Variants in SLC38A12 observed in about 807,000 individuals in gnomAD.
SLC38A12 encodes putative sodium-coupled neutral amino acid transporter 12.
At chr17:74,795,817 C>T in the SLC38A12 span, among the ~76,000 whole-genome samples, 2 of 152,178 alleles carry the variant, frequency 1.3e-5, no homozygotes, top group East Asian at 3.9e-4. Context: ...AAGAGTCTAG[C>T]CCCCAAGGTT....
the SLC38A12 span, chr17:74,785,823 A>AT: frequency 1.9e-6 from 1 of 520,342 alleles, no homozygotes; most frequent in Admixed American, 3.7e-5. Flanking sequence ...CCCTGATCAG[A>AT]TAAAAACCTG....
At chr17:74,810,112 T>A in the SLC38A12 span, among the ~76,000 whole-genome samples, 1 of 152,190 alleles carries the variant, frequency 6.6e-6, no homozygotes, top group African/African-American at 2.4e-5. Context: ...TGTCCTCCCG[T>A]CTTTGAGAAG....
the SLC38A12 span, among the ~76,000 whole-genome samples, chr17:74,832,950 A>G: frequency 9.9e-4 from 151 of 152,366 alleles, 1 homozygote; most frequent in African/African-American, 3.4e-3. Context: ...AGGTAGTGGC[A>G]TTACGAGGTG....
At chr17:74,784,986 T>C in the SLC38A12 span, among the ~76,000 whole-genome samples, 2 of 151,912 alleles carry the variant, frequency 1.3e-5, no homozygotes, top group Non-Finnish European at 2.9e-5. Context: ...GAAGTTGGTA[T>C]GGGGAGAGGG....
the SLC38A12 span, chr17:74,785,572 C>T: frequency 6.2e-7 from 1 of 1,614,134 alleles, no homozygotes; most frequent in Non-Finnish European, 8.5e-7. Context: ...GCTTGTCAGC[C>T]TCGTCCTGCT....
At chr17:74,786,939 C>A in the SLC38A12 span, among the ~76,000 whole-genome samples, 14 of 152,232 alleles carry the variant, frequency 9.2e-5, no homozygotes, top group Admixed American at 2.6e-4. Context: ...CAGGGGGTAC[C>A]ACACCCCGCT....
At chr17:74,836,890 T>C in the SLC38A12 span, 1 of 1,367,632 alleles carries the variant, frequency 7.3e-7, no homozygotes, top group Non-Finnish European at 9.4e-7. This position sits in a 1 kb window ranked among gnomAD's most constrained non-coding sequence, Gnocchi z 4.2. Context: ...CCCGGGCAGC[T>C]CTCCCACCAG....
At chr17:74,781,386 G>A in the SLC38A12 span, among the ~76,000 whole-genome samples, 97 of 152,176 alleles carry the variant, frequency 6.4e-4, no homozygotes, top group African/African-American at 2.3e-3. Flanking sequence ...CTGGGCTCAG[G>A]CGATTTTCCC....
chr17:74,798,964 G>A, the SLC38A12 span, among the ~76,000 whole-genome samples: 9 of 152,324 alleles, frequency 5.9e-5, no homozygotes, highest in South Asian at 2.1e-4. Context: ...ATAGGATTGC[G>A]TATGAACCAG....
At chr17:74,826,329 G>A in the SLC38A12 span, among the ~76,000 whole-genome samples, 6 of 152,172 alleles carry the variant, frequency 3.9e-5, no homozygotes, top group African/African-American at 7.2e-5. Flanking sequence ...CTGGGGAGAG[G>A]GGGACTCTGC....
chr17:74,836,387 C>T, the SLC38A12 span: 9 of 1,611,906 alleles, frequency 5.6e-6, no homozygotes, highest in Middle Eastern at 1.6e-4. This position sits in a 1 kb window ranked among gnomAD's most constrained non-coding sequence, Gnocchi z 4.2. Flanking sequence ...TGGTGGACCG[C>T]GTCGTGTTTC....
the SLC38A12 span, among the ~76,000 whole-genome samples, chr17:74,789,160 G>A: frequency 6.6e-6 from 1 of 152,162 alleles, no homozygotes. Flanking sequence ...TTCTTCCCGA[G>A]TGCGTCTCTG....
At chr17:74,833,543 C>G in the SLC38A12 span, among the ~76,000 whole-genome samples, 1 of 152,214 alleles carries the variant, frequency 6.6e-6, no homozygotes, top group African/African-American at 2.4e-5. Flanking sequence ...GGAGAGCTAG[C>G]TGCCTTTCTT....
At chr17:74,778,422 C>T in the SLC38A12 span, among the ~76,000 whole-genome samples, 1 of 152,154 alleles carries the variant, frequency 6.6e-6, no homozygotes, top group Non-Finnish European at 1.5e-5. Context: ...CTGCCTTGTA[C>T]ATAGCTTCCT....
chr17:74,795,663 C>T, the SLC38A12 span: 5 of 1,565,182 alleles, frequency 3.2e-6, no homozygotes, highest in South Asian at 1.1e-5. Context: ...GCCGCCTGCC[C>T]CAGCCCAGCC....
the SLC38A12 span, chr17:74,836,067 C>A: frequency 6.2e-7 from 1 of 1,613,664 alleles, no homozygotes; most frequent in South Asian, 1.1e-5. The surrounding 1 kb of genome is among the most constrained non-coding windows in gnomAD (Gnocchi z 4.2). Flanking sequence ...GCACTCTCTG[C>A]CATCCCTCAT....
the SLC38A12 span, among the ~76,000 whole-genome samples, chr17:74,818,063 A>G: frequency 6.6e-6 from 1 of 152,208 alleles, no homozygotes; most frequent in East Asian, 1.9e-4. Context: ...ATCAGTGGAA[A>G]GTTTCCCTGA....
the SLC38A12 span, among the ~76,000 whole-genome samples, chr17:74,800,989 G>C: frequency 6.6e-6 from 1 of 152,182 alleles, no homozygotes; most frequent in Admixed American, 6.5e-5. Context: ...CCTCTCATGT[G>C]GTTCACGTGA....
the SLC38A12 span, among the ~76,000 whole-genome samples, chr17:74,835,109 G>A: frequency 3.3e-5 from 5 of 152,326 alleles, no homozygotes; most frequent in South Asian, 2.1e-4. Flanking sequence ...CATCAGCAAC[G>A]CAAGCTGTTT....
Sources: gnomAD v4.1 joint callset for allele counts (sites outside exome capture counted in the v4.1 genomes callset) on GRCh38, gnomAD v4.1.1 for gene constraint, Gnocchi (gnomAD v3.1) non-coding constraint, MANE v1.5 for transcripts, NCBI Gene and HGNC (gene_info 2026-07-23, HGNC 2026-07-21) for gene names.